Variants in GPRIN3 observed in about 807,000 individuals in gnomAD.
GPRIN3 encodes the protein G protein-regulated inducer of neurite outgrowth 3.
GPRIN3 carries 12 observed loss-of-function variants against 13.7 expected under a neutral mutation model. The ratio of observed to expected loss-of-function variants is 0.87; its 90% CI spans 0.56 to 1.42. The LOEUF is 1.42. GPRIN3 is among the 40% of genes most tolerant of loss of function. The probability of loss-of-function intolerance (pLI) is 0.00; values close to 1 mark genes in which losing one functional copy is unlikely to be tolerated. For synonymous variants in GPRIN3, 377 were observed against 372.7 expected (o/e 1.01, Z -0.13); for missense variants, 1,009 against 958.7 (o/e 1.05, Z -0.69).
rs989277034 is a variant in GPRIN3, at chr4:89,294,637, C to T, written c.-124+12978G>A. 2.0e-5 allele frequency among the ~76,000 whole-genome samples: 3 copies of T among 152,158 alleles called. No homozygotes were observed. In the East Asian group the frequency reaches 5.8e-4, roughly 29 times the overall value. ...CTAAGTAAAGAACACATTTCAGCTT[C>T]CTGTTTTTTACAAAAAAGAAAAGAG... On this transcript the variant is annotated intron_variant, in intron 1 of 1. Transcript: ENST00000609438.
chr4:89,286,751 A>G (rs541803255), intron 1 of GPRIN3, among the ~76,000 whole-genome samples: 1 of 152,330 alleles, frequency 6.6e-6, no homozygotes, highest in Non-Finnish European at 1.5e-5. Flanking sequence ...AAAACAACAC[A>G]CAAAAAGAAA....
At chr4:89,281,182 A>G (rs1190090279) in intron 1 of GPRIN3, among the ~76,000 whole-genome samples, 3 of 151,692 alleles carry the variant, frequency 2.0e-5, no homozygotes, top group Non-Finnish European at 4.4e-5. Context: ...GGAGTGCAAT[A>G]GCGTGAACTC....
intron 1 of GPRIN3, among the ~76,000 whole-genome samples, chr4:89,290,686 T>C (rs1394320519): frequency 6.6e-6 from 1 of 152,198 alleles, no homozygotes; most frequent in East Asian, 1.9e-4. Flanking sequence ...TTATCTCTCA[T>C]GCTATAAGCT....
At chr4:89,299,726 A>T (rs1371993386) in intron 1 of GPRIN3, among the ~76,000 whole-genome samples, 1 of 152,146 alleles carries the variant, frequency 6.6e-6, no homozygotes, top group Non-Finnish European at 1.5e-5. Flanking sequence ...ATACGAGTTG[A>T]TACTACTCCT....
chr4:89,297,826 A>G (rs549486811), intron 1 of GPRIN3, among the ~76,000 whole-genome samples: 31 of 152,334 alleles, frequency 2.0e-4, no homozygotes, highest in African/African-American at 7.5e-4. Flanking sequence ...ACTCAAGATC[A>G]TTCCCCAAGG....
At chr4:89,291,134 G>C (rs1724560214) in intron 1 of GPRIN3, among the ~76,000 whole-genome samples, 1 of 152,088 alleles carries the variant, frequency 6.6e-6, no homozygotes, top group Non-Finnish European at 1.5e-5. Context: ...TCTGACCTCA[G>C]AACTAGGAGG....
chr4:89,301,795 G>C (rs1034894469), intron 1 of GPRIN3, among the ~76,000 whole-genome samples: 1 of 152,136 alleles, frequency 6.6e-6, no homozygotes, highest in African/African-American at 2.4e-5. Flanking sequence ...GATTGTCAAA[G>C]GGGCTTTGGA....
At chr4:89,274,705 T>C (rs929463959) in intron 1 of GPRIN3, among the ~76,000 whole-genome samples, 1 of 152,082 alleles carries the variant, frequency 6.6e-6, no homozygotes, top group African/African-American at 2.4e-5. Context: ...CCAAACTTAG[T>C]TGTGCAGCAG....
chr4:89,242,000 T>C lies in GPRIN3; in HGVS notation c.*5780A>G, dbSNP rs1187953411. On this transcript the variant is annotated 3_prime_UTR_variant, in exon 2 of 2. Transcript: ENST00000609438. ...ACCCCAGAAATAAATGAATGACATC[T>C]CCATAGTTAAGAGATCAAGAAAGCT... The C allele has an allele frequency of 6.6e-6, 1 of 152,174 alleles. No individual in the cohort carries two copies. The highest frequency in any genetic ancestry group is 1.5e-5 in the Non-Finnish European group (1 of 68,020). The allele number at this position is 152,174 out of a possible 1,614,324, so 9.4% of individuals were successfully genotyped here. A position where few individuals can be genotyped will look rare whatever the true frequency, so the allele number is the denominator to read the frequency against.
rs1722849917 is a variant in GPRIN3, at chr4:89,238,826, CAAT to C, written c.*8951_*8953del. On this transcript the variant is annotated 3_prime_UTR_variant, in exon 2 of 2. Coordinates refer to ENST00000609438, the MANE Select transcript of GPRIN3 (RefSeq NM_198281.3). ...AGAACGATTTCAATAGCAGTGGAAA[CAAT>C]AATAACATCAACAAAAAACAGAATA... is the stretch of plus-strand genomic sequence containing the variant. 6.6e-6 allele frequency: 1 copy of C among 151,944 alleles called. No individual in the cohort carries two copies. Among genetic ancestry groups the C allele is most frequent in the South Asian group, 2.1e-4 (1 of 4,828 alleles). The allele number at this position is 151,944 out of a possible 1,614,324, so 9.4% of individuals were successfully genotyped here.
intron 1 of GPRIN3, among the ~76,000 whole-genome samples, chr4:89,261,509 G>A (rs1403033276): frequency 6.6e-6 from 1 of 152,138 alleles, no homozygotes; most frequent in Admixed American, 6.5e-5. Flanking sequence ...AAGTCAAAGA[G>A]AGCACTTCTC....
At chr4:89,271,227 C>T (rs1723941443) in intron 1 of GPRIN3, among the ~76,000 whole-genome samples, 1 of 152,134 alleles carries the variant, frequency 6.6e-6, no homozygotes, top group Non-Finnish European at 1.5e-5. Context: ...GTCAATGAAA[C>T]TGAAGCTCAG....
At chr4:89,274,795 T>A (rs564039804) in intron 1 of GPRIN3, among the ~76,000 whole-genome samples, 1 of 152,164 alleles carries the variant, frequency 6.6e-6, no homozygotes, top group Non-Finnish European at 1.5e-5. Context: ...TCTGGGATGA[T>A]GCTGTGGGTG....
intron 1 of GPRIN3, among the ~76,000 whole-genome samples, chr4:89,281,156 T>C (rs1457566907): frequency 6.6e-6 from 1 of 151,536 alleles, no homozygotes; most frequent in African/African-American, 2.4e-5. Flanking sequence ...AGAGTCTCGC[T>C]CTTGTCACCC....
At chr4:89,271,737 G>A (rs1049898748) in intron 1 of GPRIN3, among the ~76,000 whole-genome samples, 3 of 151,954 alleles carry the variant, frequency 2.0e-5, no homozygotes, top group Non-Finnish European at 2.9e-5. Context: ...ACAATAGTCT[G>A]GACAAGCAAT....
intron 1 of GPRIN3, among the ~76,000 whole-genome samples, chr4:89,290,595 A>G (rs1724544647): frequency 6.6e-6 from 1 of 152,110 alleles, no homozygotes. Flanking sequence ...TTCTCTTCTC[A>G]ACAGCCATAG....
intron 1 of GPRIN3, among the ~76,000 whole-genome samples, chr4:89,272,968 C>A (rs927986685): frequency 6.6e-6 from 1 of 152,142 alleles, no homozygotes; most frequent in African/African-American, 2.4e-5. Flanking sequence ...GAATCTAGCA[C>A]ATAGAGCTTT....
At chr4:89,293,166 A>G (rs1458434290) in intron 1 of GPRIN3, among the ~76,000 whole-genome samples, 1 of 152,228 alleles carries the variant, frequency 6.6e-6, no homozygotes, top group Non-Finnish European at 1.5e-5. Flanking sequence ...AGCAGCATGG[A>G]TTAGTTATCC....
intron 1 of GPRIN3, among the ~76,000 whole-genome samples, chr4:89,297,185 G>C (rs1336736246): frequency 6.6e-6 from 1 of 152,172 alleles, no homozygotes; most frequent in Non-Finnish European, 1.5e-5. Flanking sequence ...ACAAACCTCA[G>C]AGATTTCTTT....
Sources: allele counts gnomAD v4.1 joint callset (sites outside exome capture counted in the v4.1 genomes callset), GRCh38; gene constraint gnomAD v4.1.1; transcripts MANE v1.5; gene names NCBI Gene and HGNC (gene_info 2026-07-23, HGNC 2026-07-21).